Variants in CSMD1 observed in about 807,000 individuals in gnomAD.
CSMD1 encodes CUB and sushi domain-containing protein 1.
CSMD1 carries 213 observed loss-of-function variants against 417.5 expected under a neutral mutation model. The ratio of observed to expected loss-of-function variants is 0.51; its 90% CI spans 0.46 to 0.57. CSMD1 has a LOEUF of 0.57. Ranked by LOEUF, CSMD1 falls within the 20% of genes least tolerant of loss-of-function variation. CSMD1 has a pLI of 0.00. For missense variants in CSMD1, 6,923 were observed against 4,529.7 expected, an observed-to-expected ratio of 1.53 and a Z score of -15.17; for synonymous variants, 2,862 against 1,736.8, an observed-to-expected ratio of 1.65 and a Z score of -16.11.
intron 2 of CSMD1, among the ~76,000 whole-genome samples, chr8:4,447,426 G>A (rs193171875): frequency 4.6e-5 from 7 of 152,330 alleles, no homozygotes; most frequent in African/African-American, 1.7e-4. Context: ...GATGGCATTT[G>A]TCTGGACCCA....
rs185943901 is a variant in CSMD1, at chr8:4,714,914, T to C, written c.86-77356A>G. On this transcript the variant is annotated intron_variant, in intron 1 of 69. Coordinates refer to ENST00000635120, the MANE Select transcript of CSMD1 (RefSeq NM_033225.6). ...AATTGTATAATTTGACTATGATCCA[T>C]AGCAGACTTTTTGGAAGGTGTCTAG... is the stretch of plus-strand genomic sequence containing the variant. Among the ~76,000 whole-genome samples the C allele has an allele frequency of 3.1e-3, 475 of 152,326 alleles. 2 individuals are homozygous for C. The highest frequency in any genetic ancestry group is 0.011 in the African/African-American group (459 of 41,590).
chr8:3,023,001 G>A (rs571717606), intron 51 of CSMD1, among the ~76,000 whole-genome samples: 1 of 152,334 alleles, frequency 6.6e-6, no homozygotes, highest in East Asian at 1.9e-4. Context: ...TGTTAGCTGG[G>A]CATTGACTTG....
At chr8:3,239,702 T>C (rs1799372356) in intron 26 of CSMD1, among the ~76,000 whole-genome samples, 1 of 152,236 alleles carries the variant, frequency 6.6e-6, no homozygotes, top group African/African-American at 2.4e-5. Flanking sequence ...GCTAGTACTA[T>C]AGCATAGCCT....
intron 5 of CSMD1, among the ~76,000 whole-genome samples, chr8:3,763,086 T>C (rs1798097682): frequency 6.6e-6 from 1 of 152,188 alleles, no homozygotes. Context: ...ACGGTCTCTC[T>C]GGCACGTAAC....
chr8:3,335,312 C>G (rs747710208), intron 23 of CSMD1, among the ~76,000 whole-genome samples: 2 of 152,192 alleles, frequency 1.3e-5, no homozygotes, highest in Non-Finnish European at 2.9e-5. Context: ...GTGACAGGAT[C>G]AATTTCCCCT....
intron 1 of CSMD1, among the ~76,000 whole-genome samples, chr8:4,861,061 T>C (rs1487653781): frequency 6.6e-6 from 1 of 152,146 alleles, no homozygotes; most frequent in Non-Finnish European, 1.5e-5. Context: ...AAAAGCTCCT[T>C]TTGTTCTAAA....
intron 10 of CSMD1, chr8:3,515,123 T>A (rs1296968292): frequency 6.6e-6 from 1 of 152,238 alleles, no homozygotes; most frequent in Non-Finnish European, 1.5e-5. Flanking sequence ...ATTAATGTTA[T>A]AATTCATCTT....
intron 26 of CSMD1, among the ~76,000 whole-genome samples, chr8:3,244,255 T>A (rs557347841): frequency 7.9e-5 from 12 of 152,272 alleles, no homozygotes; most frequent in Middle Eastern, 3.4e-3. Flanking sequence ...TTTTCCTGTA[T>A]TTTGGAGGGT....
At chr8:4,465,250 T>G (rs75403271) in intron 2 of CSMD1, among the ~76,000 whole-genome samples, 1 of 152,276 alleles carries the variant, frequency 6.6e-6, no homozygotes, top group East Asian at 1.9e-4. Flanking sequence ...TATGTGTCTC[T>G]TTCATCTTTT....
intron 3 of CSMD1, among the ~76,000 whole-genome samples, chr8:4,327,469 G>A (rs898613104): frequency 1.3e-5 from 2 of 152,154 alleles, no homozygotes; most frequent in Admixed American, 1.3e-4. Flanking sequence ...CTGCCTGTAG[G>A]TAACTGGGGA....
intron 3 of CSMD1, among the ~76,000 whole-genome samples, chr8:4,382,637 G>C (rs905436110): frequency 6.6e-6 from 1 of 152,182 alleles, no homozygotes; most frequent in Non-Finnish European, 1.5e-5. Context: ...TTGCATCTAA[G>C]TTTAGGAAAA....
rs542150329 is a variant in CSMD1 at position 3,255,962 on chromosome 8, G to A, written c.4154-25731C>T. 2.6e-5 allele frequency among the ~76,000 whole-genome samples: 4 copies of A among 152,274 alleles called. No individual in the cohort carries two copies. In the South Asian group the frequency reaches 6.2e-4, roughly 24 times the overall value. ...ATCACCCATCTTCTGCATCGTTCAT[G>A]CTGGGAGCTGTAGACTGGAGCTGTT... On this transcript the variant is annotated intron_variant, in intron 26 of 69. Coordinates refer to ENST00000635120, the MANE Select transcript of CSMD1 (RefSeq NM_033225.6).
At chr8:4,971,931 C>G (rs537119126) in intron 1 of CSMD1, among the ~76,000 whole-genome samples, 1 of 151,918 alleles carries the variant, frequency 6.6e-6, no homozygotes, top group Non-Finnish European at 1.5e-5. Context: ...AAAATAAACT[C>G]ATTGGGAGCA....
At chr8:4,459,879 A>T (rs1799703944) in intron 2 of CSMD1, among the ~76,000 whole-genome samples, 1 of 152,192 alleles carries the variant, frequency 6.6e-6, no homozygotes. Context: ...AAATATATAA[A>T]ACAGAACCTG....
intron 5 of CSMD1, among the ~76,000 whole-genome samples, chr8:3,799,045 G>A (rs1407032011): frequency 7.2e-5 from 11 of 151,744 alleles, no homozygotes; most frequent in Admixed American, 6.6e-4. Flanking sequence ...AACAATCTTT[G>A]TATAGTATGC....
chr8:4,407,995 G>T (rs1189708269), intron 3 of CSMD1, among the ~76,000 whole-genome samples: 1 of 152,118 alleles, frequency 6.6e-6, no homozygotes, highest in East Asian at 1.9e-4. Context: ...GGAGAAAACT[G>T]CAAGTCCCCA....
At chr8:3,585,994 C>A (rs1239014910) in intron 9 of CSMD1, 142 bp downstream of exon 9, 18 of 824,940 alleles carry the variant, frequency 2.2e-5, no homozygotes, top group Non-Finnish European at 3.2e-5. Context: ...TCTGTTATTA[C>A]CCACATCACT....
intron 30 of CSMD1, among the ~76,000 whole-genome samples, chr8:3,212,650 G>A (rs981844667): frequency 6.6e-6 from 1 of 151,954 alleles, no homozygotes; most frequent in Non-Finnish European, 1.5e-5. Flanking sequence ...CACTACACCT[G>A]GCCTAAGTTC....
intron 1 of CSMD1, among the ~76,000 whole-genome samples, chr8:4,661,759 T>C (rs1275846963): frequency 2.0e-5 from 3 of 152,194 alleles, no homozygotes; most frequent in Non-Finnish European, 2.9e-5. Flanking sequence ...TCAATGTTTT[T>C]ATAAGACCAT....
Sources: gnomAD v4.1 joint callset for allele counts (sites outside exome capture counted in the v4.1 genomes callset) on GRCh38, gnomAD v4.1.1 for gene constraint, MANE v1.5 for transcripts, NCBI Gene and HGNC (gene_info 2026-07-23, HGNC 2026-07-21) for gene names.